MECOM: variants seen among roughly 807,000 people sequenced by gnomAD.
The protein encoded by MECOM is MDS1 and EVI1 complex locus.
Under a neutral mutation model 116.3 loss-of-function variants are expected in MECOM, and 13 were observed. The ratio of observed to expected loss-of-function variants is 0.11; its 90% CI spans 0.07 to 0.18. The LOEUF (loss-of-function observed/expected upper bound fraction) is 0.18, where lower values mean the gene tolerates loss of function less well. Ranked by LOEUF, MECOM falls within the 10% of genes least tolerant of loss-of-function variation. The pLI, the probability that MECOM is intolerant of heterozygous loss-of-function variation, is 1.00. For missense variants in MECOM, 1,299 were observed against 1,509.0 expected (o/e 0.86, Z 2.31); for synonymous variants, 528 against 535.2 (o/e 0.99, Z 0.19).
At chr3:169,434,338 T>C (rs974841720) in intron 1 of MECOM, among the ~76,000 whole-genome samples, 23 of 152,324 alleles carry the variant, frequency 1.5e-4, no homozygotes, top group South Asian at 2.1e-4. Flanking sequence ...CTTGGGTGCC[T>C]ACCAGAAATA....
chr3:169,509,602 C>T (rs1467158420), intron 1 of MECOM, among the ~76,000 whole-genome samples: 1 of 152,136 alleles, frequency 6.6e-6, no homozygotes, highest in African/African-American at 2.4e-5. Flanking sequence ...AAAGTGGAAC[C>T]ATGCATTATT....
intron 2 of MECOM, among the ~76,000 whole-genome samples, chr3:169,370,665 A>G (rs1178657002): frequency 6.6e-6 from 1 of 152,012 alleles, no homozygotes; most frequent in African/African-American, 2.4e-5. Flanking sequence ...TAAGGAACTC[A>G]TGCAACTCAA....
intron 2 of MECOM, among the ~76,000 whole-genome samples, chr3:169,362,199 T>G (rs879436049): frequency 3.3e-4 from 50 of 151,920 alleles, no homozygotes; most frequent in Non-Finnish European, 6.5e-4. Flanking sequence ...GGAGGTTTTG[T>G]TTATTGTTGT....
At chr3:169,193,632 AT>A in intron 2 of MECOM, among the ~76,000 whole-genome samples, 1 of 152,002 alleles carries the variant, frequency 6.6e-6, no homozygotes. Flanking sequence ...CAATATTTTC[AT>A]GGAAAAACAT....
At chr3:169,121,736 C>G (rs1016736104) in intron 6 of MECOM, among the ~76,000 whole-genome samples, 5 of 151,902 alleles carry the variant, frequency 3.3e-5, no homozygotes, top group Non-Finnish European at 7.4e-5. Flanking sequence ...AAAAGCCACC[C>G]AACACATCTG....
intron 1 of MECOM, among the ~76,000 whole-genome samples, chr3:169,619,708 A>G (rs1213062337): frequency 1.3e-5 from 2 of 152,136 alleles, no homozygotes; most frequent in East Asian, 1.9e-4. Context: ...GTGACTACCA[A>G]AGAAATATCT....
chr3:169,139,434 T>G (rs567488528), intron 3 of MECOM, among the ~76,000 whole-genome samples: 1 of 152,240 alleles, frequency 6.6e-6, no homozygotes, highest in Non-Finnish European at 1.5e-5. Context: ...CACACACACT[T>G]ACATATACAA....
At chr3:169,286,434 G>A (rs1430488190) in intron 2 of MECOM, among the ~76,000 whole-genome samples, 1 of 152,144 alleles carries the variant, frequency 6.6e-6, no homozygotes, top group Non-Finnish European at 1.5e-5. Flanking sequence ...AGTAAGAATA[G>A]AATACCTTCC....
At chr3:169,503,726 T>C (rs978255390) in intron 1 of MECOM, among the ~76,000 whole-genome samples, 1 of 152,296 alleles carries the variant, frequency 6.6e-6, no homozygotes, top group East Asian at 1.9e-4. Flanking sequence ...AGCTATGTAG[T>C]TATTTCTTTA....
rs572418759 is a variant in MECOM, at chr3:169,093,087, G to A, written c.3035C>T (p.Ser1012Leu). 3.7e-6 allele frequency: 6 copies of A among 1,611,286 alleles called. No individual in the cohort carries two copies. Among genetic ancestry groups the A allele is most frequent in the East Asian group, 2.2e-5 (1 of 44,826 alleles). Reference sequence around the variant, plus strand: ...TGTACTTTCCAGTTCAGAATGAGGCGACGATGTTGCTGTACCTGTGTGGAG... The same window carrying A: ...TGTACTTTCCAGTTCAGAATGAGGCAACGATGTTGCTGTACCTGTGTGGAG... ...NGNMSGTATSSPHSELESTGA... is the reference protein window; with the variant it reads ...NGNMSGTATSLPHSELESTGA... The change falls in exon 14 of 17, where the codon TCG (serine) becomes TTG (leucine). Residue 1012 changes from serine (S) to leucine (L), a missense_variant. This residue lies in a region of MECOM where 273 missense variants were observed against 289.3 expected (regional missense o/e 0.94). Transcript: ENST00000651503.
intron 1 of MECOM, among the ~76,000 whole-genome samples, chr3:169,618,943 A>T (rs1226674500): frequency 1.3e-5 from 2 of 152,174 alleles, no homozygotes. Context: ...CCGTCCTCTA[A>T]GAAAAAAGAC....
At chr3:169,602,520 T>G (rs1767954245) in intron 1 of MECOM, among the ~76,000 whole-genome samples, 1 of 152,172 alleles carries the variant, frequency 6.6e-6, no homozygotes, top group African/African-American at 2.4e-5. Flanking sequence ...CTGTCCTGAT[T>G]GTAGGATGTT....
At chr3:169,381,067 TA>T (rs1378879789) in intron 2 of MECOM, 119 bp downstream of exon 2, 36 of 904,848 alleles carry the variant, frequency 4.0e-5, no homozygotes, top group Non-Finnish European at 5.7e-5. Context: ...AGTTTATTCT[TA>T]AAAACCTGTT....
At position 169,416,196 on chromosome 3, in the gene MECOM, A is replaced by C. The variant is rs184841223; in HGVS notation, c.38-34672T>G. On this transcript the variant is annotated intron_variant, in intron 1 of 16. Transcript: ENST00000651503. Reference sequence around the variant, plus strand: ...CAGTCTCTCCAACCACAGTGCAATCAAATTAGAACTCAGGATTAAGAAACT... The same window carrying C: ...CAGTCTCTCCAACCACAGTGCAATCCAATTAGAACTCAGGATTAAGAAACT... Among the ~76,000 whole-genome samples the C allele has an allele frequency of 6.1e-3, 934 of 152,340 alleles. 9 individuals are homozygous for C. The highest frequency in any genetic ancestry group is 8.5e-3 in the Non-Finnish European group (580 of 68,022).
intron 1 of MECOM, among the ~76,000 whole-genome samples, chr3:169,605,811 C>G (rs576780612): frequency 6.6e-6 from 1 of 152,072 alleles, no homozygotes; most frequent in Non-Finnish European, 1.5e-5. Context: ...TAAACAGAAG[C>G]CATGGATATC....
At chr3:169,539,995 A>T (rs529791147) in intron 1 of MECOM, among the ~76,000 whole-genome samples, 2 of 152,242 alleles carry the variant, frequency 1.3e-5, no homozygotes, top group South Asian at 4.1e-4. Flanking sequence ...TTCATGGCTG[A>T]ATCCTCCTCT....
At chr3:169,422,902 A>G (rs1428089381) in intron 1 of MECOM, among the ~76,000 whole-genome samples, 1 of 152,098 alleles carries the variant, frequency 6.6e-6, no homozygotes, top group Non-Finnish European at 1.5e-5. Flanking sequence ...GAGCTTGAAA[A>G]TAAGAGACAT....
chr3:169,523,429 G>A (rs1254715780), intron 1 of MECOM, among the ~76,000 whole-genome samples: 1 of 75,622 alleles, frequency 1.3e-5, no homozygotes. Flanking sequence ...CACTACTGCA[G>A]GTAATTTTTT....
intron 2 of MECOM, among the ~76,000 whole-genome samples, chr3:169,158,209 T>C (rs1201667320): frequency 6.6e-6 from 1 of 152,198 alleles, no homozygotes; most frequent in Admixed American, 6.6e-5. Flanking sequence ...CTGGAGAAAT[T>C]ACCATAAAAC....
Sources: gnomAD v4.1 joint callset for allele counts (sites outside exome capture counted in the v4.1 genomes callset) on GRCh38, gnomAD v4.1.1 for gene constraint, gnomAD v4.1.1 regional missense constraint, MANE v1.5 for transcripts, NCBI Gene and HGNC (gene_info 2026-07-23, HGNC 2026-07-21) for gene names.